BTG4: variants seen among roughly 807,000 people sequenced by gnomAD.
BTG4 encodes the protein BTG anti-proliferation factor 4.
In BTG4, 10 loss-of-function variants were observed where a neutral mutation model predicts 19.3. The observed-to-expected ratio is 0.52, with a 90% confidence interval of 0.32 to 0.88. BTG4 has a LOEUF of 0.88. Among genes scored for constraint, BTG4 ranks in the 40% least tolerant of loss-of-function variants. The pLI is 0.04. For missense variants in BTG4, 238 were observed against 281.9 expected (o/e 0.84, Z 1.11); for synonymous variants, 91 against 95.7 (o/e 0.95, Z 0.29).
In BTG4 at chr11:111,508,803, T is replaced by C. The variant is rs141319485; in HGVS notation, c.-27+3378A>G. The stretch of plus-strand genomic sequence containing the variant: ...ACACAAACATGAATTCTTAATCTAT[T>C]ACTATAAGTTATATTAAGATATATT... On this transcript the variant is annotated intron_variant, in intron 1 of 4. Transcript: ENST00000692032. Among the ~76,000 whole-genome samples the C allele has an allele frequency of 1.3e-4, 19 of 149,772 alleles. 1 individual carries two copies. Among genetic ancestry groups the C allele is most frequent in the African/African-American group, 4.6e-4 (19 of 41,162 alleles).
upstream of BTG4, chr11:111,513,963 C>A (rs1867122547): frequency 2.0e-5 from 3 of 153,786 alleles, no homozygotes; most frequent in African/African-American, 7.2e-5. Context: ...GTTCCTGCCA[C>A]AGTAATCTTA....
the BTG4 span, among the ~76,000 whole-genome samples, chr11:111,388,328 G>A: frequency 1.3e-5 from 2 of 149,370 alleles, no homozygotes; most frequent in East Asian, 3.9e-4. Flanking sequence ...TTGGTTTGGA[G>A]GTGTGTGTTT....
intron 5 of BTG4, among the ~76,000 whole-genome samples, chr11:111,483,490 G>A (rs559848906): frequency 6.6e-6 from 1 of 152,082 alleles, no homozygotes; most frequent in African/African-American, 2.4e-5. Context: ...AAAGATAACA[G>A]AGAAGGAATT....
the BTG4 span, among the ~76,000 whole-genome samples, chr11:111,444,593 C>G: frequency 8.5e-5 from 13 of 152,228 alleles, no homozygotes; most frequent in African/African-American, 2.6e-4. Flanking sequence ...TTTAAACTAA[C>G]TTAAAGATTG....
chr11:111,434,438 CT>C, the BTG4 span, among the ~76,000 whole-genome samples: 1 of 152,104 alleles, frequency 6.6e-6, no homozygotes, highest in East Asian at 1.9e-4. Context: ...GGGAGAAATA[CT>C]TAATGTAAAT....
chr11:111,442,640 G>A, the BTG4 span, among the ~76,000 whole-genome samples: 1 of 151,438 alleles, frequency 6.6e-6, no homozygotes, highest in Admixed American at 6.6e-5. Flanking sequence ...CATGAGGTAT[G>A]TCCAAAGGAC....
At chr11:111,421,828 G>T in the BTG4 span, among the ~76,000 whole-genome samples, 4 of 152,008 alleles carry the variant, frequency 2.6e-5, no homozygotes, top group African/African-American at 9.7e-5. Flanking sequence ...CAAGAGAATC[G>T]CTTGAACCAG....
At chr11:111,394,376 T>A in the BTG4 span, among the ~76,000 whole-genome samples, 3 of 152,128 alleles carry the variant, frequency 2.0e-5, no homozygotes, top group Admixed American at 2.0e-4. Context: ...TAGGGGCAGT[T>A]CCCCCCATAC....
At chr11:111,484,724 G>A (rs1864950274) in intron 5 of BTG4, among the ~76,000 whole-genome samples, 5 of 152,056 alleles carry the variant, frequency 3.3e-5, no homozygotes, top group Admixed American at 3.3e-4. Context: ...AGGAAGGAAA[G>A]AGGACCAACA....
At chr11:111,410,596 C>T in the BTG4 span, among the ~76,000 whole-genome samples, 5 of 152,300 alleles carry the variant, frequency 3.3e-5, no homozygotes, top group African/African-American at 1.2e-4. Context: ...AGCACTATGA[C>T]CAACTCATTG....
At chr11:111,508,377 T>C (rs1259255915) in intron 1 of BTG4, among the ~76,000 whole-genome samples, 1 of 151,878 alleles carries the variant, frequency 6.6e-6, no homozygotes, top group Non-Finnish European at 1.5e-5. Flanking sequence ...TTTTTTTTTT[T>C]TGGTGAACTT....
At chr11:111,414,958 C>G in the BTG4 span, 1 of 152,118 alleles carries the variant, frequency 6.6e-6, no homozygotes, top group Non-Finnish European at 1.5e-5. Flanking sequence ...TTTGGGGAGG[C>G]TGGGGAGAGG....
the BTG4 span, among the ~76,000 whole-genome samples, chr11:111,442,587 A>C: frequency 6.6e-6 from 1 of 151,548 alleles, no homozygotes; most frequent in Non-Finnish European, 1.5e-5. Flanking sequence ...AAATATAAGG[A>C]AGTACTCGAA....
chr11:111,507,714 G>A (rs914219257), intron 1 of BTG4: 1 of 152,152 alleles, frequency 6.6e-6, no homozygotes, highest in Non-Finnish European at 1.5e-5. Flanking sequence ...CCCTTCCCAA[G>A]ATCTACTTCC....
the BTG4 span, among the ~76,000 whole-genome samples, chr11:111,423,700 C>A: frequency 1.2e-4 from 18 of 152,154 alleles, no homozygotes; most frequent in African/African-American, 1.4e-4. Flanking sequence ...TCATTTAATA[C>A]ACAAAAACAA....
At chr11:111,475,038 T>G (rs1432650257) in intron 5 of BTG4, 10 of 152,592 alleles carry the variant, frequency 6.6e-5, no homozygotes. Flanking sequence ...ATTTCCCCCA[T>G]TTTGTGGACT....
the BTG4 span, among the ~76,000 whole-genome samples, chr11:111,459,995 A>G: frequency 0.073 from 11,112 of 152,138 alleles, 1,341 homozygotes; most frequent in African/African-American, 0.25. Flanking sequence ...TCTCCCCTAG[A>G]TTATTGGGTC....
chr11:111,468,566 T>C (rs995854970), intron 5 of BTG4, among the ~76,000 whole-genome samples: 12 of 152,232 alleles, frequency 7.9e-5, no homozygotes, highest in African/African-American at 2.9e-4. Context: ...TCTCAGATTG[T>C]CTGATTCCAA....
the BTG4 span, chr11:111,455,149 A>G: frequency 2.3e-6 from 1 of 442,474 alleles, no homozygotes. Flanking sequence ...CCCTCCCCTC[A>G]CTGAGGTCCA....
Sources: allele counts gnomAD v4.1 joint callset (sites outside exome capture counted in the v4.1 genomes callset), GRCh38; gene constraint gnomAD v4.1.1; transcripts MANE v1.5; gene names NCBI Gene and HGNC (gene_info 2026-07-23, HGNC 2026-07-21).